Variants in COL4A3 observed in about 807,000 individuals in gnomAD.
COL4A3 encodes the protein collagen alpha-3(IV) chain.
Under a neutral mutation model 217.4 loss-of-function variants are expected in COL4A3, and 135 were observed. The ratio of observed to expected loss-of-function variants is 0.62; its 90% CI spans 0.54 to 0.72. The LOEUF (loss-of-function observed/expected upper bound fraction) is 0.72. COL4A3 is among the 30% of genes least tolerant of loss of function. The pLI, the probability that COL4A3 is intolerant of heterozygous loss-of-function variation, is 0.00. For missense variants in COL4A3, 1,868 were observed against 2,119.9 expected (o/e 0.88, Z 2.33); for synonymous variants, 690 against 736.3 (o/e 0.94, Z 1.02).
intron 1 of COL4A3, among the ~76,000 whole-genome samples, chr2:227,208,542 T>C (rs934778562): frequency 6.6e-5 from 10 of 152,060 alleles, no homozygotes; most frequent in Non-Finnish European, 1.3e-4. Context: ...ATCTCCAACC[T>C]GACCAGTCAG....
At position 227,164,658 on chromosome 2, in the gene COL4A3, G is replaced by A; in HGVS notation, c.-69G>A. The A allele has an allele frequency of 6.6e-7, 1 of 1,526,364 alleles. No homozygotes were observed. The allele number at this position is 1,526,364 out of a possible 1,614,324, so 94.6% of individuals were successfully genotyped here. A position where few individuals can be genotyped will look rare whatever the true frequency, so the allele number is the denominator to read the frequency against. ...AGCCGGGCTCCCAGAGCCGCGCTGCGCAGGAGACGCGGTGGCCTGAGAGCC... is the reference window on the plus strand; with the variant it reads ...AGCCGGGCTCCCAGAGCCGCGCTGCACAGGAGACGCGGTGGCCTGAGAGCC... On this transcript the variant is annotated 5_prime_UTR_variant, in exon 1 of 52. Transcript: ENST00000396578. This position sits in a 1 kb window ranked among gnomAD's most constrained non-coding sequence, Gnocchi z 4.8.
At chr2:227,258,389 T>C (rs2070331282) in intron 18 of COL4A3, among the ~76,000 whole-genome samples, 1 of 152,232 alleles carries the variant, frequency 6.6e-6, no homozygotes, top group African/African-American at 2.4e-5. Context: ...GAGTGGGGCC[T>C]GGAAATCTGC....
At chr2:227,292,919 A>C (rs1345368719) in intron 37 of COL4A3, among the ~76,000 whole-genome samples, 1 of 152,132 alleles carries the variant, frequency 6.6e-6, no homozygotes, top group Non-Finnish European at 1.5e-5. Context: ...TCCTGTGCTA[A>C]GAAGGGCCTC....
chr2:227,279,079 CTT>C (rs34554554), intron 28 of COL4A3, among the ~76,000 whole-genome samples: 4 of 143,778 alleles, frequency 2.8e-5, no homozygotes, highest in African/African-American at 5.1e-5. Flanking sequence ...CGTTCTATAT[CTT>C]TTTTTTTTTT....
rs2073786296 is a variant in COL4A3, at chr2:227,312,701, C to A, written c.*831C>A. The A allele has an allele frequency of 6.6e-6, 1 of 152,508 alleles. No homozygotes were observed. The highest frequency in any genetic ancestry group is 2.4e-5 in the African/African-American group (1 of 41,412). 9.4% of individuals were successfully genotyped at this position (152,508 alleles called of 1,614,324 possible). ...CTTTAACTTCTGTTTTACCAGCATA[C>A]CCACACAAATAACAAGAATACTACT... On this transcript the variant is annotated 3_prime_UTR_variant, in exon 52 of 52. Coordinates refer to ENST00000396578, the MANE Select transcript of COL4A3 (RefSeq NM_000091.5).
chr2:227,192,075 T>C (rs1420434633), intron 1 of COL4A3, among the ~76,000 whole-genome samples: 1 of 152,232 alleles, frequency 6.6e-6, no homozygotes, highest in Non-Finnish European at 1.5e-5. Context: ...TTTTTATCTC[T>C]CTGTGCTCAA....
chr2:227,302,535 G>A (rs1467106899), intron 43 of COL4A3, among the ~76,000 whole-genome samples: 1 of 151,944 alleles, frequency 6.6e-6, no homozygotes, highest in Non-Finnish European at 1.5e-5. Flanking sequence ...AAATTAGCCA[G>A]GTGTGGTGGT....
intron 43 of COL4A3, among the ~76,000 whole-genome samples, chr2:227,299,363 C>T (rs1336288975): frequency 6.6e-6 from 1 of 152,130 alleles, no homozygotes; most frequent in Non-Finnish European, 1.5e-5. Context: ...CCACTGCACT[C>T]CAGCCTGGGT....
At chr2:227,265,626 T>C (rs2070838902) in intron 21 of COL4A3, among the ~76,000 whole-genome samples, 2 of 152,188 alleles carry the variant, frequency 1.3e-5, no homozygotes, top group African/African-American at 4.8e-5. Context: ...AAACAGATGA[T>C]ACCCTGAGTC....
rs549348813 is a variant in COL4A3, at chr2:227,191,912, A to G, written c.87+27099A>G. Among the ~76,000 whole-genome samples, 180 of 152,344 alleles carry G rather than the reference A, an allele frequency of 1.2e-3. No individual in the cohort carries two copies. The highest frequency in any genetic ancestry group is 4.2e-3 in the African/African-American group (175 of 41,576). ...TTTCTTCAACAGCAGTGCCCTTATCAAAAACAGACACTTGAGAATTGTGGA... is the reference window on the plus strand; with the variant it reads ...TTTCTTCAACAGCAGTGCCCTTATCGAAAACAGACACTTGAGAATTGTGGA... On this transcript the variant is annotated intron_variant, in intron 1 of 51. Coordinates refer to ENST00000396578, the MANE Select transcript of COL4A3 (RefSeq NM_000091.5). The surrounding 1 kb of genome is among the most constrained non-coding windows in gnomAD (Gnocchi z 6.8).
chr2:227,178,489 G>A (rs2065763381), intron 1 of COL4A3, among the ~76,000 whole-genome samples: 1 of 152,146 alleles, frequency 6.6e-6, no homozygotes, highest in Non-Finnish European at 1.5e-5. Context: ...GTATGCAGAT[G>A]CTTTCTTAAC....
chr2:227,250,345 TAGATAGATA>T lies in COL4A3; in HGVS notation c.547-794_547-786del, dbSNP rs753284694. On this transcript the variant is annotated intron_variant, in intron 9 of 51. Transcript: ENST00000396578. This position sits in a 1 kb window ranked among gnomAD's most constrained non-coding sequence, Gnocchi z 4.1. ...AGGTAGATAGATAAAAGATGATAGA[TAGATAGATA>T]GATAGATAGATAGATAGATAGATAG... 3.3e-3 allele frequency among the ~76,000 whole-genome samples: 243 copies of T among 72,722 alleles called. No individual in the cohort carries two copies. Among genetic ancestry groups the T allele is most frequent in the Non-Finnish European group, 7.3e-3 (199 of 27,424 alleles). The allele number at this position is 72,722 out of a possible 152,430, so 47.7% of individuals were successfully genotyped here. A position where few individuals can be genotyped will look rare whatever the true frequency, so the allele number is the denominator to read the frequency against.
chr2:227,170,093 C>A (rs1167187403), intron 1 of COL4A3, among the ~76,000 whole-genome samples: 1 of 152,132 alleles, frequency 6.6e-6, no homozygotes, highest in Admixed American at 6.5e-5. Flanking sequence ...TTGCACTGAA[C>A]ATATAGGTAG....
chr2:227,196,552 C>A (rs1033542175), intron 1 of COL4A3, among the ~76,000 whole-genome samples: 1 of 151,930 alleles, frequency 6.6e-6, no homozygotes, highest in Non-Finnish European at 1.5e-5. Flanking sequence ...CTCCTGACCT[C>A]GTGATCCGCC....
chr2:227,244,387 C>G, intron 4 of COL4A3, 23 bp downstream of exon 4: 1 of 1,610,194 alleles, frequency 6.2e-7, no homozygotes, highest in East Asian at 2.2e-5. Flanking sequence ...ACCAGTCCAC[C>G]CTGATCGTTA....
At position 227,312,166 on chromosome 2, in the gene COL4A3, A is replaced by T; in HGVS notation, c.*296A>T. 2 of 358,670 alleles carry T rather than the reference A, an allele frequency of 5.6e-6. No homozygotes were observed. Among genetic ancestry groups the T allele is most frequent in the South Asian group, 5.5e-5 (2 of 36,106 alleles). 22.2% of individuals were successfully genotyped at this position (358,670 alleles called of 1,614,324 possible). ...AAGGCACTGTCACTACGGTGATTGT[A>T]TGAAGTTTGAATGCTGCAAGTTATG... is the stretch of plus-strand genomic sequence containing the variant. On this transcript the variant is annotated 3_prime_UTR_variant, in exon 52 of 52. Coordinates refer to ENST00000396578, the MANE Select transcript of COL4A3 (RefSeq NM_000091.5).
chr2:227,302,953 C>A (rs55659411), intron 43 of COL4A3, 85 bp from the exon 44 acceptor site: 6 of 817,954 alleles, frequency 7.3e-6, no homozygotes, highest in African/African-American at 5.0e-5. Context: ...TAATATTATA[C>A]CCTATTTGCA....
At position 227,164,901 on chromosome 2, in the gene COL4A3, G is replaced by C. The variant is rs1424254115; in HGVS notation, c.87+88G>C. ...ACGCGCTGGCCCCACCCGCAGCGGC[G>C]CGGTAGTGGAGCGGCTGCCGGGCTA... On this transcript the variant is annotated intron_variant, in intron 1 of 51. Transcript: ENST00000396578. The surrounding 1 kb of genome is among the most constrained non-coding windows in gnomAD (Gnocchi z 4.8). The C allele has an allele frequency of 3.7e-6, 5 of 1,368,934 alleles. No homozygotes were observed. Among genetic ancestry groups the C allele is most frequent in the Non-Finnish European group, 4.7e-6 (5 of 1,058,934 alleles). 84.8% of individuals were successfully genotyped at this position (1,368,934 alleles called of 1,614,324 possible).
chr2:227,207,681 G>A (rs1189557974), intron 1 of COL4A3, among the ~76,000 whole-genome samples: 1 of 152,202 alleles, frequency 6.6e-6, no homozygotes, highest in East Asian at 1.9e-4. Context: ...TGGAGCTGGT[G>A]TCTTCATGGG....
Sources: allele counts gnomAD v4.1 joint callset (sites outside exome capture counted in the v4.1 genomes callset), GRCh38; gene constraint gnomAD v4.1.1; non-coding constraint Gnocchi (gnomAD v3.1); transcripts MANE v1.5; gene names NCBI Gene and HGNC (gene_info 2026-07-23, HGNC 2026-07-21).